The following CRY1 variants were observed in gnomAD, a reference collection of about 807,000 sequenced individuals.
The protein encoded by CRY1 is cryptochrome circadian regulator 1, also known as cryptochrome-1.
In CRY1, 45 loss-of-function variants were observed where a neutral mutation model predicts 76.0. That is an observed-to-expected ratio of 0.59 (90% CI 0.47 to 0.76). CRY1 has a LOEUF of 0.76. Among genes scored for constraint, CRY1 ranks in the 30% least tolerant of loss-of-function variants. CRY1 has a pLI of 0.00. For synonymous variants in CRY1, 248 were observed against 244.0 expected (o/e 1.02, Z -0.15); for missense variants, 587 against 716.4 (o/e 0.82, Z 2.06).
intron 1 of CRY1, among the ~76,000 whole-genome samples, chr12:107,070,489 T>C (rs529832713): frequency 6.6e-6 from 1 of 152,154 alleles, no homozygotes; most frequent in South Asian, 2.1e-4. Context: ...GTATACTGTA[T>C]AACAAACAAT....
At chr12:107,033,940 A>G (rs551144738) in intron 1 of CRY1, among the ~76,000 whole-genome samples, 2 of 151,196 alleles carry the variant, frequency 1.3e-5, no homozygotes, top group Non-Finnish European at 2.9e-5. Context: ...GAGTGCTGAC[A>G]CTGTCACAGG....
chr12:107,062,137 A>G (rs1246475095), intron 1 of CRY1, among the ~76,000 whole-genome samples: 1 of 151,998 alleles, frequency 6.6e-6, no homozygotes, highest in African/African-American at 2.4e-5. Context: ...TCCGGAAACT[A>G]AAAAGTCACA....
At chr12:107,071,678 C>G (rs899889572) in intron 1 of CRY1, among the ~76,000 whole-genome samples, 2 of 151,850 alleles carry the variant, frequency 1.3e-5, no homozygotes, top group African/African-American at 4.8e-5. Flanking sequence ...ATAAAAACAT[C>G]TAGCAAGTCG....
intron 1 of CRY1, among the ~76,000 whole-genome samples, chr12:107,028,245 T>G (rs1020484021): frequency 1.3e-5 from 2 of 152,108 alleles, no homozygotes; most frequent in Admixed American, 6.5e-5. Context: ...ATATAACAAT[T>G]TGTGTGTGTG....
chr12:107,082,416 C>T (rs983331557), intron 1 of CRY1, among the ~76,000 whole-genome samples: 1 of 152,176 alleles, frequency 6.6e-6, no homozygotes, highest in Non-Finnish European at 1.5e-5. Flanking sequence ...CCACATAGCA[C>T]TTATTCTAAA....
intron 1 of CRY1, chr12:107,049,945 G>C (rs752211186): frequency 6.6e-6 from 1 of 152,086 alleles, no homozygotes; most frequent in Non-Finnish European, 1.5e-5. Flanking sequence ...ACATAAATTT[G>C]GGACTTACTG....
chr12:107,034,104 C>A (rs558706880), intron 1 of CRY1, among the ~76,000 whole-genome samples: 1 of 151,788 alleles, frequency 6.6e-6, no homozygotes, highest in Admixed American at 6.6e-5. Context: ...GTCATAAAGA[C>A]CCTGCTGATA....
intron 1 of CRY1, among the ~76,000 whole-genome samples, chr12:107,074,930 G>A (rs1217981368): frequency 2.0e-5 from 3 of 152,124 alleles, no homozygotes; most frequent in East Asian, 1.9e-4. Flanking sequence ...CAGGAGAATC[G>A]CTTGAACCGA....
intron 1 of CRY1, among the ~76,000 whole-genome samples, chr12:107,054,663 A>G (rs76266758): frequency 0.014 from 2,076 of 150,936 alleles, 45 homozygotes; most frequent in African/African-American, 0.047. Flanking sequence ...AAAAAAAAAA[A>G]GGGATACAAA....
chr12:107,035,929 T>C (rs1952727701), intron 1 of CRY1, among the ~76,000 whole-genome samples: 1 of 152,206 alleles, frequency 6.6e-6, no homozygotes, highest in South Asian at 2.1e-4. Flanking sequence ...AACAGGGTTA[T>C]GCTGCAGTAA....
At chr12:107,046,099 C>T (rs1221856163) in intron 1 of CRY1, among the ~76,000 whole-genome samples, 1 of 149,948 alleles carries the variant, frequency 6.7e-6, no homozygotes, top group Non-Finnish European at 1.5e-5. Context: ...TGCACTCCAG[C>T]CTGGCGACAG....
chr12:107,045,488 T>C (rs564680245), intron 1 of CRY1, among the ~76,000 whole-genome samples: 14 of 152,302 alleles, frequency 9.2e-5, no homozygotes, highest in Non-Finnish European at 1.5e-4. Flanking sequence ...CGAAACCCTG[T>C]CTCTACTAAA....
intron 2 of CRY1, among the ~76,000 whole-genome samples, chr12:107,016,358 CCAAA>C (rs962769979): frequency 9.2e-5 from 14 of 151,824 alleles, no homozygotes; most frequent in Non-Finnish European, 1.3e-4. Context: ...AATAGCACTC[CCAAA>C]CAATTTTAAA....
At chr12:107,091,869 T>C (rs1284887026) in intron 1 of CRY1, among the ~76,000 whole-genome samples, 1 of 152,218 alleles carries the variant, frequency 6.6e-6, no homozygotes, top group Non-Finnish European at 1.5e-5. Context: ...TGCTCAAGTG[T>C]CACCTTCTCT....
chr12:107,074,578 T>G (rs1321365125), intron 1 of CRY1, among the ~76,000 whole-genome samples: 1 of 152,140 alleles, frequency 6.6e-6, no homozygotes, highest in Admixed American at 6.6e-5. Flanking sequence ...AATAAAAATA[T>G]TTGAGAATGA....
chr12:107,057,899 A>T (rs1953002484), intron 1 of CRY1, among the ~76,000 whole-genome samples: 1 of 151,290 alleles, frequency 6.6e-6, no homozygotes, highest in Non-Finnish European at 1.5e-5. Context: ...TCTCTCCAAA[A>T]AAACAACAAA....
intron 1 of CRY1, among the ~76,000 whole-genome samples, chr12:107,028,620 A>G (rs1026978407): frequency 6.6e-6 from 1 of 152,218 alleles, no homozygotes; most frequent in Non-Finnish European, 1.5e-5. Flanking sequence ...GAAAGTCATT[A>G]ATATTTTAAA....
chr12:107,062,025 C>CAAAAAAAAAAAAAAA (rs35683352), intron 1 of CRY1, among the ~76,000 whole-genome samples: 1 of 93,558 alleles, frequency 1.1e-5, no homozygotes, highest in South Asian at 3.5e-4. Context: ...GACCCTGTCT[C>CAAAAAAAAAAAAAAA]AAAAAAAAAA....
intron 1 of CRY1, among the ~76,000 whole-genome samples, chr12:107,049,527 A>C (rs979080987): frequency 5.3e-5 from 8 of 152,080 alleles, no homozygotes; most frequent in Non-Finnish European, 1.2e-4. Context: ...GGCACGTGCC[A>C]CCAAACCTGA....
Sources: allele counts gnomAD v4.1 joint callset (sites outside exome capture counted in the v4.1 genomes callset), GRCh38; gene constraint gnomAD v4.1.1; transcripts MANE v1.5; gene names NCBI Gene and HGNC (gene_info 2026-07-23, HGNC 2026-07-21).